ATP8B4: variants seen among roughly 807,000 people sequenced by gnomAD.
ATP8B4 encodes probable phospholipid-transporting ATPase IM.
In ATP8B4, 133 loss-of-function variants were observed where a neutral mutation model predicts 145.6. The observed-to-expected ratio is 0.91, with a 90% CI of 0.79 to 1.05. The LOEUF (loss-of-function observed/expected upper bound fraction) is 1.05. Among genes scored for constraint, ATP8B4 ranks in the 50% least tolerant of loss-of-function variants. ATP8B4 has a pLI of 0.00. For missense variants in ATP8B4, 1,458 were observed against 1,425.2 expected (o/e 1.02, Z -0.37); for synonymous variants, 507 against 492.9 (o/e 1.03, Z -0.38).
chr15:49,874,897 C>A (rs537440769), intron 25 of ATP8B4, among the ~76,000 whole-genome samples: 1 of 152,032 alleles, frequency 6.6e-6, no homozygotes, highest in South Asian at 2.1e-4. Flanking sequence ...ATGAGAAAAA[C>A]AGCTTCTAAA....
At chr15:49,915,088 G>C (rs1453298807) in intron 20 of ATP8B4, among the ~76,000 whole-genome samples, 1 of 151,960 alleles carries the variant, frequency 6.6e-6, no homozygotes, top group Non-Finnish European at 1.5e-5. Flanking sequence ...AATCAATAAA[G>C]AAAATGTGGT....
intron 1 of ATP8B4, among the ~76,000 whole-genome samples, chr15:50,153,922 C>G (rs754713561): frequency 6.6e-6 from 1 of 152,156 alleles, no homozygotes; most frequent in Non-Finnish European, 1.5e-5. Context: ...CTAATTTTTA[C>G]TAAGAGAAGA....
Position 49,898,059 on chromosome 15 carries a change from T to A in ATP8B4, c.2473+9A>T. 1 of 1,613,490 alleles carries A rather than the reference T, an allele frequency of 6.2e-7. No homozygotes were observed. The highest frequency in any genetic ancestry group is 1.1e-5 in the South Asian group (1 of 91,050). On this transcript the variant is annotated intron_variant, in intron 22 of 27. Transcript: ENST00000284509. ...TGCAGCATACCCCATTGAGCAAATA[T>A]CCTCTTACTTTTAATCATGCTGACA...
chr15:49,995,786 T>C (rs2047374664), intron 9 of ATP8B4, among the ~76,000 whole-genome samples: 2 of 152,170 alleles, frequency 1.3e-5, no homozygotes, highest in African/African-American at 4.8e-5. Flanking sequence ...CCAATCTGTA[T>C]GGATATACTA....
At chr15:49,869,744 C>T (rs2033390043) in intron 25 of ATP8B4, among the ~76,000 whole-genome samples, 1 of 152,118 alleles carries the variant, frequency 6.6e-6, no homozygotes, top group Admixed American at 6.5e-5. Context: ...CAACCCGTCC[C>T]CAGGGTGATG....
intron 23 of ATP8B4, among the ~76,000 whole-genome samples, chr15:49,881,988 C>T (rs992666079): frequency 2.0e-5 from 3 of 152,166 alleles, no homozygotes; most frequent in South Asian, 2.1e-4. Flanking sequence ...TATCAGCTGT[C>T]GAGGACAGAA....
At chr15:49,957,444 T>C (rs2153502814) in intron 14 of ATP8B4, among the ~76,000 whole-genome samples, 1 of 151,976 alleles carries the variant, frequency 6.6e-6, no homozygotes, top group South Asian at 2.1e-4. Context: ...CCTAAAATAT[T>C]ATAACAGAAC....
intron 4 of ATP8B4, among the ~76,000 whole-genome samples, chr15:50,045,174 T>A (rs1376198798): frequency 6.6e-6 from 1 of 152,156 alleles, no homozygotes; most frequent in Non-Finnish European, 1.5e-5. Context: ...TTTTGTATAA[T>A]CCCAGAAGGT....
At chr15:50,018,322 C>A (rs1412358119) in intron 6 of ATP8B4, among the ~76,000 whole-genome samples, 4 of 152,018 alleles carry the variant, frequency 2.6e-5, no homozygotes, top group Non-Finnish European at 5.9e-5. Context: ...CTGGCATATG[C>A]GGTATCATCA....
At chr15:50,090,487 G>A (rs1325070656) in intron 2 of ATP8B4, among the ~76,000 whole-genome samples, 1 of 152,160 alleles carries the variant, frequency 6.6e-6, no homozygotes, top group Non-Finnish European at 1.5e-5. Flanking sequence ...CTGTCAAAGG[G>A]ACCACAGAAA....
At chr15:50,177,734 A>G (rs1361640432) in intron 1 of ATP8B4, among the ~76,000 whole-genome samples, 1 of 152,236 alleles carries the variant, frequency 6.6e-6, no homozygotes, top group Non-Finnish European at 1.5e-5. Context: ...TAGCAGTGTC[A>G]GCAATACCTG....
intron 12 of ATP8B4, among the ~76,000 whole-genome samples, chr15:49,975,200 A>G (rs2045556789): frequency 6.6e-6 from 1 of 152,168 alleles, no homozygotes; most frequent in Non-Finnish European, 1.5e-5. Context: ...TACAACTTCA[A>G]GAAGGTCAAA....
intron 14 of ATP8B4, among the ~76,000 whole-genome samples, chr15:49,958,278 CA>C (rs1253970477): frequency 4.6e-5 from 7 of 151,116 alleles, no homozygotes; most frequent in Non-Finnish European, 1.0e-4. Flanking sequence ...AAGCAGTGTT[CA>C]GGGGGAAATT....
intron 3 of ATP8B4, among the ~76,000 whole-genome samples, chr15:50,047,687 T>C (rs538424440): frequency 2.6e-5 from 4 of 152,066 alleles, no homozygotes; most frequent in Non-Finnish European, 5.9e-5. Flanking sequence ...TAACTAAATA[T>C]GTATCAAATG....
intron 14 of ATP8B4, among the ~76,000 whole-genome samples, chr15:49,944,010 A>G (rs1283878869): frequency 1.3e-5 from 2 of 152,188 alleles, no homozygotes; most frequent in Non-Finnish European, 2.9e-5. Flanking sequence ...TTAAACTATC[A>G]TAACTATAAG....
chr15:49,919,932 A>G (rs1191963112), intron 18 of ATP8B4, among the ~76,000 whole-genome samples: 1 of 152,190 alleles, frequency 6.6e-6, no homozygotes, highest in Non-Finnish European at 1.5e-5. Context: ...GGTGGGTAAT[A>G]AAACAAGGAG....
chr15:50,100,564 T>C (rs920101950), intron 2 of ATP8B4, among the ~76,000 whole-genome samples: 1 of 152,218 alleles, frequency 6.6e-6, no homozygotes, highest in African/African-American at 2.4e-5. Flanking sequence ...AATGAATGCA[T>C]GTTTTAGGTT....
At chr15:50,003,484 G>A (rs2153562667) in intron 7 of ATP8B4, among the ~76,000 whole-genome samples, 1 of 152,166 alleles carries the variant, frequency 6.6e-6, no homozygotes, top group South Asian at 2.1e-4. Context: ...ACAGAGGAAA[G>A]CCACATAAAG....
chr15:50,146,945 T>C (rs140673513), intron 1 of ATP8B4, among the ~76,000 whole-genome samples: 2 of 152,200 alleles, frequency 1.3e-5, no homozygotes, highest in South Asian at 2.1e-4. Flanking sequence ...CACAAGCCAG[T>C]TGGAGTTTTT....
Sources: allele counts gnomAD v4.1 joint callset (sites outside exome capture counted in the v4.1 genomes callset), GRCh38; gene constraint gnomAD v4.1.1; transcripts MANE v1.5; gene names NCBI Gene and HGNC (gene_info 2026-07-23, HGNC 2026-07-21).